The following AKAP12 variants were observed in gnomAD, a reference collection of about 807,000 sequenced individuals.
AKAP12 encodes A-kinase anchor protein 12.
A neutral mutation model predicts 79.9 loss-of-function variants in AKAP12; 32 were observed. The observed-to-expected ratio is 0.40, with a 90% confidence interval of 0.30 to 0.54. The LOEUF (loss-of-function observed/expected upper bound fraction) is 0.54, where lower values mean the gene tolerates loss of function less well. Among genes scored for constraint, AKAP12 ranks in the 20% least tolerant of loss-of-function variants. The pLI is 0.48. For missense variants in AKAP12, 2,074 were observed against 2,177.0 expected, an observed-to-expected ratio of 0.95 and a Z score of 0.94; for synonymous variants, 808 against 857.0, an observed-to-expected ratio of 0.94 and a Z score of 1.00.
At chr6:151,289,474 A>G (rs1776569556) in intron 2 of AKAP12, among the ~76,000 whole-genome samples, 1 of 152,214 alleles carries the variant, frequency 6.6e-6, no homozygotes, top group South Asian at 2.1e-4. Flanking sequence ...CCAGCCAAAC[A>G]AAAAAGCAAA....
intron 3 of AKAP12, among the ~76,000 whole-genome samples, chr6:151,347,164 C>A (rs553640333): frequency 6.6e-6 from 1 of 152,340 alleles, no homozygotes; most frequent in East Asian, 1.9e-4. Context: ...CCCCTTCAAG[C>A]CAGTTCTTGT....
intron 2 of AKAP12, among the ~76,000 whole-genome samples, chr6:151,242,201 C>T (rs1387219408): frequency 6.6e-6 from 1 of 152,152 alleles, no homozygotes; most frequent in Non-Finnish European, 1.5e-5. Context: ...TTGCTAAAAA[C>T]TTGCAGTTGG....
chr6:151,272,356 A>G (rs1484882474), intron 2 of AKAP12, among the ~76,000 whole-genome samples: 1 of 150,812 alleles, frequency 6.6e-6, no homozygotes, highest in African/African-American at 2.5e-5. Context: ...AAAAAAAAAA[A>G]AAACAAAAAA....
intron 3 of AKAP12, among the ~76,000 whole-genome samples, chr6:151,323,221 A>G (rs898982493): frequency 2.0e-5 from 3 of 152,328 alleles, no homozygotes; most frequent in Non-Finnish European, 2.9e-5. Flanking sequence ...CACATGATCT[A>G]TTGCTCTGCC....
rs549012520 is a variant in AKAP12, at chr6:151,358,353, A to G, written c.*2639A>G. ...ACCCATGAGTTGCCTCTCTCTGTAC[A>G]TAGATAAATTGTTCCAATATTTTCC... On this transcript the variant is annotated 3_prime_UTR_variant, in exon 5 of 5. Coordinates refer to ENST00000402676, the MANE Select transcript of AKAP12 (RefSeq NM_005100.4). 1.2e-4 allele frequency: 19 copies of G among 152,348 alleles called. No homozygotes were observed. The highest frequency in any genetic ancestry group is 2.2e-4 in the Non-Finnish European group (15 of 68,038). The allele number at this position is 152,348 out of a possible 1,614,324, so 9.4% of individuals were successfully genotyped here.
chr6:151,242,102 T>G (rs183415812), intron 2 of AKAP12, among the ~76,000 whole-genome samples: 6 of 152,344 alleles, frequency 3.9e-5, no homozygotes, highest in Admixed American at 6.5e-5. Context: ...ACTTACTGTA[T>G]GCACATAATG....
intron 3 of AKAP12, among the ~76,000 whole-genome samples, chr6:151,308,028 C>G (rs1412325522): frequency 6.6e-6 from 1 of 151,346 alleles, no homozygotes; most frequent in Non-Finnish European, 1.5e-5. Context: ...GGACGTGCCA[C>G]CACACCTGGC....
At chr6:151,244,916 A>T (rs897168360) in intron 2 of AKAP12, among the ~76,000 whole-genome samples, 13 of 152,228 alleles carry the variant, frequency 8.5e-5, no homozygotes, top group African/African-American at 2.7e-4. Context: ...AGGCTAGTGG[A>T]TGAATAAGAT....
At chr6:151,324,370 C>A (rs920281812) in intron 3 of AKAP12, 2 of 985,270 alleles carry the variant, frequency 2.0e-6, no homozygotes, top group Non-Finnish European at 2.4e-6. Context: ...AGCAAGGAAG[C>A]GGTTTTCACG....
intron 2 of AKAP12, among the ~76,000 whole-genome samples, chr6:151,261,594 A>G (rs973448485): frequency 5.3e-5 from 8 of 150,706 alleles, no homozygotes; most frequent in Non-Finnish European, 1.0e-4. Context: ...CCAGCTGCTT[A>G]GGAGGCTGAG....
At chr6:151,321,910 T>TG (rs1407376711) in intron 3 of AKAP12, among the ~76,000 whole-genome samples, 4 of 145,472 alleles carry the variant, frequency 2.7e-5, no homozygotes, top group African/African-American at 1.0e-4. Flanking sequence ...TATGTTTTTT[T>TG]TTTTTTTTTT....
At position 151,341,814 on chromosome 6, in the gene AKAP12, C is replaced by G. The variant is rs746584826; in HGVS notation, c.320-6897C>G. 6 of 1,285,806 alleles carry G rather than the reference C, an allele frequency of 4.7e-6. No individual in the cohort carries two copies. The South Asian group carries it at 7.4e-5, about 16-fold the overall frequency. The allele number at this position is 1,285,806 out of a possible 1,614,324, so 79.6% of individuals were successfully genotyped here. ...GTGTGTGGGTTTTCCAGCCTCCTTC[C>G]TTCCCGTCCCAGGCTTGGGAAAGCC... On this transcript the variant is annotated intron_variant, in intron 3 of 4. Coordinates refer to ENST00000402676, the MANE Select transcript of AKAP12 (RefSeq NM_005100.4).
In AKAP12 at chr6:151,349,656, G is replaced by C. The variant is rs1252525136; in HGVS notation, c.1265G>C (p.Ser422Thr). ...GAGGTTGTGGCCGAAGTCCACGTCA[G>C]CACCGTGGAGGAGAGAACCGAAGAG... Reference protein sequence around the residue: ...QEEVVAEVHVSTVEERTEEQK... With the variant: ...QEEVVAEVHVTTVEERTEEQK... The change falls in exon 4 of 5, where the codon AGC (serine) becomes ACC (threonine). Residue 422 changes from serine (S) to threonine (T), a missense_variant. Transcript: ENST00000402676. The C allele has an allele frequency of 5.6e-6, 9 of 1,613,942 alleles. No homozygotes were observed.
intron 2 of AKAP12, among the ~76,000 whole-genome samples, chr6:151,264,977 C>G (rs1204981881): frequency 6.6e-6 from 1 of 151,878 alleles, no homozygotes; most frequent in Non-Finnish European, 1.5e-5. Context: ...CTGGTGAAAC[C>G]CTTTCTTGAC....
In AKAP12 at chr6:151,285,149, A is replaced by G. The variant is rs146932892; in HGVS notation, c.163-20598A>G. 2.6e-5 allele frequency among the ~76,000 whole-genome samples: 4 copies of G among 152,350 alleles called. 1 individual carries two copies. Among genetic ancestry groups the G allele is most frequent in the African/African-American group, 9.6e-5 (4 of 41,584 alleles). On this transcript the variant is annotated intron_variant, in intron 2 of 4. Transcript: ENST00000402676. ...CTAATGCTCCATTGTGAAAACTTAC[A>G]TATCAAAGCAAATATATTGTCCCCT...
chr6:151,312,447 G>A (rs1582873907), intron 3 of AKAP12, among the ~76,000 whole-genome samples: 3 of 151,950 alleles, frequency 2.0e-5, no homozygotes, highest in African/African-American at 7.2e-5. Context: ...CACTGTACCA[G>A]CCTGGGCAAC....
In AKAP12 at chr6:151,357,602, G is replaced by A. The variant is rs929122228; in HGVS notation, c.*1888G>A. On this transcript the variant is annotated 3_prime_UTR_variant, in exon 5 of 5. Coordinates refer to ENST00000402676, the MANE Select transcript of AKAP12 (RefSeq NM_005100.4). The stretch of plus-strand genomic sequence containing the variant: ...TAGCAGTGTATATATAGTCTTGTTT[G>A]TAGTTGGAAGTCATCTTTTAGGAGT... The A allele has an allele frequency of 6.6e-6, 1 of 151,646 alleles. No individual in the cohort carries two copies. Among genetic ancestry groups the A allele is most frequent in the African/African-American group, 2.4e-5 (1 of 41,286 alleles). 9.4% of individuals were successfully genotyped at this position (151,646 alleles called of 1,614,324 possible).
At chr6:151,262,407 A>C (rs762345134) in intron 2 of AKAP12, among the ~76,000 whole-genome samples, 2 of 152,174 alleles carry the variant, frequency 1.3e-5, no homozygotes, top group Non-Finnish European at 2.9e-5. Flanking sequence ...GCCTCAGATA[A>C]ATGTCTACAT....
rs1228017080 is a variant in AKAP12, at chr6:151,260,913, AC to A, written c.162+20191del. Among the ~76,000 whole-genome samples, 6 of 152,152 alleles carry A rather than the reference AC, an allele frequency of 3.9e-5. No homozygotes were observed. In the East Asian group the frequency reaches 7.7e-4, roughly 20 times the overall value. Reference sequence around the variant, plus strand: ...AGGCTGACACAGGAGAATCGCTTGAACCGGGGAGGTGGAGGTTGCAGTGAGC... The same window carrying A: ...AGGCTGACACAGGAGAATCGCTTGAACGGGGAGGTGGAGGTTGCAGTGAGC... On this transcript the variant is annotated intron_variant, in intron 2 of 4. Coordinates refer to ENST00000402676, the MANE Select transcript of AKAP12 (RefSeq NM_005100.4).
Sources: gnomAD v4.1 joint callset for allele counts (sites outside exome capture counted in the v4.1 genomes callset) on GRCh38, gnomAD v4.1.1 for gene constraint, MANE v1.5 for transcripts, NCBI Gene and HGNC (gene_info 2026-07-23, HGNC 2026-07-21) for gene names.